Variants in ULK4 observed in about 807,000 individuals in gnomAD.
ULK4 encodes inactive serine/threonine-protein kinase ULK4.
In ULK4, 133 loss-of-function variants were observed where a neutral mutation model predicts 160.6. The ratio of observed to expected loss-of-function variants is 0.83; its 90% CI spans 0.72 to 0.96. The LOEUF is 0.96. ULK4 is among the 40% of genes least tolerant of loss of function. ULK4 has a pLI of 0.00. For missense variants in ULK4, 1,580 were observed against 1,499.5 expected, an observed-to-expected ratio of 1.05 and a Z score of -0.89; for synonymous variants, 534 against 539.8, an observed-to-expected ratio of 0.99 and a Z score of 0.15.
rs1028707926 is a variant in ULK4 at position 41,366,322 on chromosome 3, T to A, written c.3678+31757A>T. ...CACCAAAGAGGGACAACCACTTAGG[T>A]GAAATATGAGGGAAAGTAGGTAAGA... On this transcript the variant is annotated intron_variant, in intron 35 of 36. Coordinates refer to ENST00000301831, the MANE Select transcript of ULK4 (RefSeq NM_017886.4). Among the ~76,000 whole-genome samples the A allele has an allele frequency of 3.9e-5, 6 of 152,100 alleles. No homozygotes were observed. In the East Asian group the frequency reaches 9.7e-4, roughly 24 times the overall value.
At chr3:41,931,780 A>C in intron 5 of ULK4, 64 bp downstream of exon 5, 2 of 1,570,108 alleles carry the variant, frequency 1.3e-6, no homozygotes, top group South Asian at 1.2e-5. Context: ...ATTGTCTCCT[A>C]AACACAGGAC....
chr3:41,918,156 A>T (rs756206021), intron 7 of ULK4, among the ~76,000 whole-genome samples: 5 of 152,246 alleles, frequency 3.3e-5, no homozygotes, highest in Non-Finnish European at 7.3e-5. Context: ...TAAATGGTAC[A>T]TACAAAAAGC....
At chr3:41,578,463 A>ATGACACACGCTATACCATCT (rs2088274275) in intron 31 of ULK4, among the ~76,000 whole-genome samples, 1 of 152,182 alleles carries the variant, frequency 6.6e-6, no homozygotes, top group Non-Finnish European at 1.5e-5. Context: ...TGGCCACATA[A>ATGACACACGCTATACCATCT]TGACACACGC....
intron 18 of ULK4, among the ~76,000 whole-genome samples, chr3:41,821,534 T>C (rs1158189944): frequency 6.6e-6 from 1 of 152,178 alleles, no homozygotes; most frequent in Non-Finnish European, 1.5e-5. Context: ...GACAGGTTCC[T>C]CCATTCCTGT....
At chr3:41,592,563 T>TA (rs1472482689) in intron 31 of ULK4, among the ~76,000 whole-genome samples, 11 of 152,206 alleles carry the variant, frequency 7.2e-5, no homozygotes, top group Non-Finnish European at 1.6e-4. Flanking sequence ...CCTATGGAAA[T>TA]AAAAAAATTT....
intron 34 of ULK4, among the ~76,000 whole-genome samples, chr3:41,413,317 A>G (rs2082449907): frequency 1.3e-5 from 2 of 152,194 alleles, no homozygotes; most frequent in South Asian, 2.1e-4. Flanking sequence ...CAGCCAAGCC[A>G]TATCAGGCGT....
chr3:41,954,569 C>A, intron 2 of ULK4, 53 bp downstream of exon 2: 1 of 1,565,280 alleles, frequency 6.4e-7, no homozygotes, highest in East Asian at 2.3e-5. Flanking sequence ...CTACCCCCTT[C>A]TACCTATTGT....
At chr3:41,907,167 G>T (rs1312809463) in intron 12 of ULK4, among the ~76,000 whole-genome samples, 1 of 152,162 alleles carries the variant, frequency 6.6e-6, no homozygotes, top group Non-Finnish European at 1.5e-5. Flanking sequence ...AAGTACTGGA[G>T]AAACATGGGG....
At chr3:41,439,956 T>C (rs2083125458) in intron 34 of ULK4, among the ~76,000 whole-genome samples, 1 of 152,222 alleles carries the variant, frequency 6.6e-6, no homozygotes, top group Non-Finnish European at 1.5e-5. Context: ...TAATATTTCA[T>C]ATTTTTATGC....
intron 1 of ULK4, among the ~76,000 whole-genome samples, chr3:41,959,400 G>A (rs190417973): frequency 0.012 from 1,865 of 151,136 alleles, 35 homozygotes; most frequent in African/African-American, 0.042. Flanking sequence ...GGTGGCGGGC[G>A]CCTGTAATCC....
Position 41,828,522 on chromosome 3 carries a change from T to A in ULK4, c.1764+7342A>T, listed in dbSNP as rs1423851938. Among the ~76,000 whole-genome samples, 8 of 134,752 alleles carry A rather than the reference T, an allele frequency of 5.9e-5. 1 individual carries two copies. The highest frequency in any genetic ancestry group is 5.7e-4 in the Admixed American group (8 of 13,998). The allele number at this position is 134,752 out of a possible 152,430, so 88.4% of individuals were successfully genotyped here. On this transcript the variant is annotated intron_variant, in intron 18 of 36. Transcript: ENST00000301831. ...CACCAATAACAGACAGAGAGCCAAA[T>A]CATGAGTGAACTCCCATTCACAACT... is the stretch of plus-strand genomic sequence containing the variant.
At chr3:41,484,529 T>G (rs2084442705) in intron 32 of ULK4, among the ~76,000 whole-genome samples, 1 of 148,222 alleles carries the variant, frequency 6.7e-6, no homozygotes, top group Admixed American at 6.8e-5. Context: ...CTCGGCTCAC[T>G]GCAAGCTCCG....
chr3:41,649,849 G>A (rs568952617), intron 30 of ULK4, among the ~76,000 whole-genome samples: 15 of 152,316 alleles, frequency 9.8e-5, no homozygotes, highest in Non-Finnish European at 1.6e-4. Flanking sequence ...CCTGGTGACC[G>A]GCTGCCAGTT....
At chr3:41,376,134 C>G (rs2081487219) in intron 35 of ULK4, among the ~76,000 whole-genome samples, 1 of 150,344 alleles carries the variant, frequency 6.7e-6, no homozygotes, top group South Asian at 2.2e-4. Context: ...CAGAAAACAA[C>G]AGATGCTGGA....
chr3:41,681,726 A>C, intron 28 of ULK4, 27 bp downstream of exon 28: 3 of 1,614,072 alleles, frequency 1.9e-6, no homozygotes, highest in Non-Finnish European at 2.5e-6. Flanking sequence ...TAACTGATGC[A>C]ATTCTTGCTG....
At chr3:41,405,981 G>C (rs1016524273) in intron 34 of ULK4, among the ~76,000 whole-genome samples, 1 of 151,976 alleles carries the variant, frequency 6.6e-6, no homozygotes, top group African/African-American at 2.4e-5. Flanking sequence ...ATCAGGTCCT[G>C]TCCATCAATT....
chr3:41,724,972 T>C (rs1217891605), intron 22 of ULK4, among the ~76,000 whole-genome samples: 1 of 152,178 alleles, frequency 6.6e-6, no homozygotes, highest in Admixed American at 6.5e-5. Flanking sequence ...CTGTCCTCTT[T>C]TCCTTGATGA....
At position 41,421,593 on chromosome 3, in the gene ULK4, C is replaced by G. The variant is rs377134283; in HGVS notation, c.3493-23329G>C. On this transcript the variant is annotated intron_variant, in intron 34 of 36. Transcript: ENST00000301831. ...AGATGATGTTTTTCTAGTGCTTGAA[C>G]TATTCCTGAATTCCAGAATCAAATA... Among the ~76,000 whole-genome samples, 25 of 152,324 alleles carry G rather than the reference C, an allele frequency of 1.6e-4. No homozygotes were observed. The South Asian group carries it at 5.2e-3, about 32-fold the overall frequency.
chr3:41,627,489 A>G (rs1318239787), intron 30 of ULK4, among the ~76,000 whole-genome samples: 3 of 152,260 alleles, frequency 2.0e-5, no homozygotes, highest in African/African-American at 7.2e-5. Context: ...CCATCCGGCA[A>G]GGACACACTG....
Sources: gnomAD v4.1 joint callset for allele counts (sites outside exome capture counted in the v4.1 genomes callset) on GRCh38, gnomAD v4.1.1 for gene constraint, MANE v1.5 for transcripts, NCBI Gene and HGNC (gene_info 2026-07-23, HGNC 2026-07-21) for gene names.